The following TTC39B variants were observed in gnomAD, a reference collection of about 807,000 sequenced individuals.
TTC39B encodes tetratricopeptide repeat protein 39B.
TTC39B carries 92 observed loss-of-function variants against 96.6 expected under a neutral mutation model. The ratio of observed to expected loss-of-function variants is 0.95; its 90% CI spans 0.80 to 1.13. The LOEUF is 1.13. TTC39B is among the 50% of genes most tolerant of loss of function. TTC39B has a pLI of 0.00. For synonymous variants in TTC39B, 367 were observed against 299.4 expected (o/e 1.23, Z -2.33); for missense variants, 955 against 809.3 (o/e 1.18, Z -2.18).
chr9:15,170,201 A>AGGG (rs1817603810), exon 20 of TTC39B: 1 of 7,836 alleles, frequency 1.3e-4, no homozygotes, highest in Non-Finnish European at 2.0e-4. Flanking sequence ...TCTATCTTTC[A>AGGG]TTGGATATAC....
chr9:15,270,373 T>C (rs79526713), intron 1 of TTC39B, among the ~76,000 whole-genome samples: 3,983 of 152,102 alleles, frequency 0.026, 175 homozygotes, highest in African/African-American at 0.091. Flanking sequence ...GCCCAGCTCA[T>C]AGTCCCTCCG....
At chr9:15,214,915 T>A (rs1432537703) in intron 3 of TTC39B, among the ~76,000 whole-genome samples, 1 of 152,278 alleles carries the variant, frequency 6.6e-6, no homozygotes, top group Non-Finnish European at 1.5e-5. Context: ...AAAAGGGAAA[T>A]ATTTCAATAA....
intron 1 of TTC39B, among the ~76,000 whole-genome samples, chr9:15,276,230 A>G (rs73646025): frequency 0.011 from 1,653 of 152,348 alleles, 32 homozygotes; most frequent in African/African-American, 0.037. Context: ...CTGGCTCACC[A>G]TGTGGTTTAT....
intron 2 of TTC39B, chr9:15,250,242 T>G: frequency 2.7e-6 from 3 of 1,095,784 alleles, no homozygotes; most frequent in Non-Finnish European, 3.4e-6. Context: ...CCGGGAGATT[T>G]TTTTTCCCCC....
intron 2 of TTC39B, chr9:15,249,790 G>T: frequency 1.4e-6 from 1 of 699,038 alleles, no homozygotes; most frequent in Non-Finnish European, 1.9e-6. Flanking sequence ...AAAAACTGCA[G>T]GTTCCAGTGA....
At chr9:15,276,389 C>T (rs1188460880) in intron 1 of TTC39B, among the ~76,000 whole-genome samples, 1 of 152,146 alleles carries the variant, frequency 6.6e-6, no homozygotes, top group Non-Finnish European at 1.5e-5. Context: ...ATTAGAGATG[C>T]CCATAGCACC....
At chr9:15,182,438 A>G (rs1192739747) in intron 16 of TTC39B, 23 bp from the exon 17 acceptor site, 2 of 1,536,098 alleles carry the variant, frequency 1.3e-6, no homozygotes, top group Non-Finnish European at 1.8e-6. Flanking sequence ...AATGAAAACC[A>G]TTTGCAGTTA....
intron 3 of TTC39B, among the ~76,000 whole-genome samples, chr9:15,215,134 A>C (rs1820437069): frequency 6.6e-6 from 1 of 152,168 alleles, no homozygotes; most frequent in African/African-American, 2.4e-5. Context: ...GTGTGCCTGT[A>C]ATCCCAGCTA....
chr9:15,233,692 A>G (rs1821576520), intron 2 of TTC39B, among the ~76,000 whole-genome samples: 1 of 152,080 alleles, frequency 6.6e-6, no homozygotes, highest in Admixed American at 6.5e-5. Context: ...CAGTGGCGTG[A>G]TCTCGGCTCG....
intron 1 of TTC39B, among the ~76,000 whole-genome samples, chr9:15,305,182 C>T (rs1474572589): frequency 1.3e-5 from 2 of 152,164 alleles, no homozygotes; most frequent in African/African-American, 4.8e-5. Flanking sequence ...CAAGGGTATC[C>T]AGTCTACAAC....
chr9:15,277,713 T>C (rs907140629), intron 1 of TTC39B, among the ~76,000 whole-genome samples: 3 of 152,198 alleles, frequency 2.0e-5, no homozygotes, highest in Admixed American at 1.3e-4. Context: ...CTAAGTTCTC[T>C]GAATTAAAGA....
chr9:15,230,569 T>C (rs1294360028), intron 2 of TTC39B, among the ~76,000 whole-genome samples: 1 of 152,244 alleles, frequency 6.6e-6, no homozygotes. Flanking sequence ...TATTCCTTTT[T>C]ATTACCTAAT....
intron 1 of TTC39B, among the ~76,000 whole-genome samples, chr9:15,289,487 C>A (rs1032295333): frequency 1.6e-4 from 24 of 152,332 alleles, no homozygotes; most frequent in African/African-American, 5.5e-4. Flanking sequence ...TCCCCATTTG[C>A]TTGGTCAGGA....
Position 15,254,828 on chromosome 9 carries a change from TACAC to T in TTC39B, c.275+13082_275+13085del, listed in dbSNP as rs35980691. The stretch of plus-strand genomic sequence containing the variant: ...GGGAGATCTGACACACATAACTTTA[TACAC>T]ACACACACACACACACACACACACA... On this transcript the variant is annotated intron_variant, in intron 2 of 19. Coordinates refer to ENST00000512701, the Ensembl canonical transcript of TTC39B. Among the ~76,000 whole-genome samples, 1,080 of 143,818 alleles carry T rather than the reference TACAC, an allele frequency of 7.5e-3. 9 individuals are homozygous for T. Among genetic ancestry groups the T allele is most frequent in the South Asian group, 0.031 (141 of 4,504 alleles). 94.4% of individuals were successfully genotyped at this position (143,818 alleles called of 152,430 possible).
At chr9:15,249,909 C>T (rs1822455560) in intron 2 of TTC39B, 3 of 1,261,720 alleles carry the variant, frequency 2.4e-6, no homozygotes, top group African/African-American at 3.1e-5. Context: ...ATAAATATGA[C>T]ATACTCACAG....
chr9:15,228,330 G>A (rs1435644325), intron 2 of TTC39B, among the ~76,000 whole-genome samples: 1 of 152,094 alleles, frequency 6.6e-6, no homozygotes, highest in East Asian at 1.9e-4. Flanking sequence ...CAGGCGTGGT[G>A]GTGGGTGCCT....
rs537383802 is a variant in TTC39B, at chr9:15,306,738, C to T, written c.240+346G>A. ...AGGGTCAGACTTCGTAAAGCCCAGG[C>T]GTCGCTGGGCCGGCCCGGAACAGCT... On this transcript the variant is annotated intron_variant, in intron 1 of 19. Transcript: ENST00000512701. This position sits in a 1 kb window ranked among gnomAD's most constrained non-coding sequence, Gnocchi z 5.1. Among the ~76,000 whole-genome samples, 3 of 152,336 alleles carry T rather than the reference C, an allele frequency of 2.0e-5. No homozygotes were observed. Among genetic ancestry groups the T allele is most frequent in the African/African-American group, 7.2e-5 (3 of 41,586 alleles).
intron 6 of TTC39B, among the ~76,000 whole-genome samples, chr9:15,207,336 T>A (rs1267999249): frequency 6.6e-6 from 1 of 152,224 alleles, no homozygotes; most frequent in Non-Finnish European, 1.5e-5. Flanking sequence ...TTTTCTACCT[T>A]ATTCCAGATT....
rs868217289 is a variant in TTC39B at position 15,266,191 on chromosome 9, T to A, written c.275+1723A>T. Among the ~76,000 whole-genome samples, 23 of 152,116 alleles carry A rather than the reference T, an allele frequency of 1.5e-4. 1 individual carries two copies. The highest frequency in any genetic ancestry group is 4.6e-4 in the Admixed American group (7 of 15,266). On this transcript the variant is annotated intron_variant, in intron 2 of 19. Coordinates refer to ENST00000512701, the Ensembl canonical transcript of TTC39B. The stretch of plus-strand genomic sequence containing the variant: ...ATACTCTGTACTACCTCCTCAATAA[T>A]TCTGTAAGTCTGAAACTGCTCCTAA...
Sources: gnomAD v4.1 joint callset for allele counts (sites outside exome capture counted in the v4.1 genomes callset) on GRCh38, gnomAD v4.1.1 for gene constraint, Gnocchi (gnomAD v3.1) non-coding constraint, MANE v1.5 for transcripts, NCBI Gene and HGNC (gene_info 2026-07-23, HGNC 2026-07-21) for gene names.